FOXP1: variants seen among roughly 807,000 people sequenced by gnomAD.
FOXP1 encodes the protein forkhead box protein P1.
Under a neutral mutation model 98.2 loss-of-function variants are expected in FOXP1, and 15 were observed. The ratio of observed to expected loss-of-function variants is 0.15; its 90% CI spans 0.10 to 0.24. The LOEUF (loss-of-function observed/expected upper bound fraction) is 0.24. Among genes scored for constraint, FOXP1 ranks in the 10% least tolerant of loss-of-function variants. The probability of loss-of-function intolerance (pLI) is 1.00; values close to 1 mark genes in which losing one functional copy is unlikely to be tolerated. For missense variants in FOXP1, 633 were observed against 848.5 expected (o/e 0.75, Z 3.15); for synonymous variants, 371 against 314.5 (o/e 1.18, Z -1.90).
chr3:71,542,689 T>C (rs1032155715), intron 2 of FOXP1, among the ~76,000 whole-genome samples: 1 of 151,682 alleles, frequency 6.6e-6, no homozygotes, highest in Non-Finnish European at 1.5e-5. Context: ...CAGAGGAGAG[T>C]GTGAGCGAGG....
intron 6 of FOXP1, among the ~76,000 whole-genome samples, chr3:71,196,859 G>C (rs1011396933): frequency 6.6e-6 from 1 of 152,136 alleles, no homozygotes; most frequent in Non-Finnish European, 1.5e-5. Context: ...AATGGGTTTG[G>C]GCTGCCAATG....
chr3:71,396,971 TATATATATATGTGTATATATATACAC>T (rs1419637147), intron 3 of FOXP1, among the ~76,000 whole-genome samples: 317 of 18,572 alleles, frequency 0.017, 89 homozygotes, highest in African/African-American at 0.049. Flanking sequence ...TATGTGTGTA[TATATATATATGTGTATATATATACAC>T]ATATATATGT....
intron 11 of FOXP1, among the ~76,000 whole-genome samples, chr3:71,025,015 T>C (rs1259601550): frequency 2.6e-5 from 4 of 152,244 alleles, no homozygotes; most frequent in South Asian, 2.1e-4. Context: ...TCTGGACTTA[T>C]ATTCATCTGC....
At chr3:71,065,744 C>T (rs2052402852) in intron 7 of FOXP1, 1 of 152,172 alleles carries the variant, frequency 6.6e-6, no homozygotes, top group South Asian at 2.1e-4. Flanking sequence ...ACAATAGCAA[C>T]AACAAAAGCT....
intron 13 of FOXP1, among the ~76,000 whole-genome samples, chr3:70,996,284 G>A (rs903354196): frequency 5.9e-5 from 9 of 152,020 alleles, no homozygotes; most frequent in South Asian, 2.1e-4. Flanking sequence ...ACGCCTGCCC[G>A]GCCTCAAGTC....
intron 5 of FOXP1, among the ~76,000 whole-genome samples, chr3:71,278,536 AC>A (rs1203287401): frequency 6.6e-6 from 1 of 152,178 alleles, no homozygotes; most frequent in East Asian, 1.9e-4. Flanking sequence ...TAATCCCAGC[AC>A]TTTGGGATGC....
At chr3:71,512,797 T>C (rs944800193) in intron 2 of FOXP1, among the ~76,000 whole-genome samples, 2 of 152,182 alleles carry the variant, frequency 1.3e-5, no homozygotes, top group Admixed American at 1.3e-4. Context: ...CACACAGTAA[T>C]GAGGGAGGAA....
At chr3:71,013,064 A>T (rs2043896142) in intron 12 of FOXP1, among the ~76,000 whole-genome samples, 1 of 152,194 alleles carries the variant, frequency 6.6e-6, no homozygotes. Context: ...AGGTAACACA[A>T]GTAAGGAATA....
intron 11 of FOXP1, among the ~76,000 whole-genome samples, chr3:71,029,248 G>A (rs2046537354): frequency 6.6e-6 from 1 of 152,188 alleles, no homozygotes; most frequent in Non-Finnish European, 1.5e-5. Context: ...TATATGCCAG[G>A]CTGGCTTGTG....
chr3:70,992,377 T>C (rs2040738601), intron 13 of FOXP1, among the ~76,000 whole-genome samples: 2 of 151,934 alleles, frequency 1.3e-5, no homozygotes, highest in Admixed American at 6.6e-5. Flanking sequence ...TTAGGCAGGG[T>C]ATATCCAATA....
intron 11 of FOXP1, among the ~76,000 whole-genome samples, chr3:71,035,816 G>T (rs2047502829): frequency 6.6e-6 from 1 of 151,842 alleles, no homozygotes; most frequent in Non-Finnish European, 1.5e-5. Flanking sequence ...AAAATAATGG[G>T]AGCTAGAGTT....
At chr3:71,197,994 C>A (rs1459748791) in intron 6 of FOXP1, 1 of 1,614,258 alleles carries the variant, frequency 6.2e-7, no homozygotes, top group South Asian at 1.1e-5. Flanking sequence ...GGACTTCCAA[C>A]TCCCAAGGGC....
intron 6 of FOXP1, among the ~76,000 whole-genome samples, chr3:71,169,298 A>G (rs553985427): frequency 5.3e-5 from 8 of 152,180 alleles, no homozygotes; most frequent in African/African-American, 1.9e-4. Flanking sequence ...CTCCGTTAAC[A>G]TTTGCCCCCG....
chr3:71,324,750 G>C (rs926727686), intron 4 of FOXP1, among the ~76,000 whole-genome samples: 1 of 151,906 alleles, frequency 6.6e-6, no homozygotes, highest in Non-Finnish European at 1.5e-5. Context: ...ATGTACACTA[G>C]AACTTAAAGT....
chr3:71,325,204 C>A lies in FOXP1; in HGVS notation c.-72-25324G>T, dbSNP rs144654992. Among the ~76,000 whole-genome samples the A allele has an allele frequency of 9.6e-3, 1,455 of 152,152 alleles. 26 individuals are homozygous for A. The highest frequency in any genetic ancestry group is 0.033 in the African/African-American group (1,387 of 41,504). On this transcript the variant is annotated intron_variant, in intron 4 of 20. Coordinates refer to ENST00000649528, the MANE Select transcript of FOXP1 (RefSeq NM_001349338.3). ...AGTAGCTGGGATTACAGGCATAAAC[C>A]ACCACACCCGGATAATTTTTGTATT...
At chr3:70,967,753 T>TTAAC (rs1158344933) in intron 19 of FOXP1, among the ~76,000 whole-genome samples, 1 of 139,270 alleles carries the variant, frequency 7.2e-6, no homozygotes, top group Non-Finnish European at 1.5e-5. Flanking sequence ...GACAAGCATC[T>TTAAC]TAACTGCTTT....
intron 7 of FOXP1, among the ~76,000 whole-genome samples, chr3:71,108,148 C>T (rs1393632959): frequency 6.6e-6 from 1 of 152,226 alleles, no homozygotes; most frequent in African/African-American, 2.4e-5. Context: ...CTGTAAGCAA[C>T]ACACAAAGTT....
chr3:71,051,684 A>C (rs1559819501), intron 9 of FOXP1, among the ~76,000 whole-genome samples: 3 of 152,178 alleles, frequency 2.0e-5, no homozygotes, highest in South Asian at 2.1e-4. Flanking sequence ...AAATATGAGG[A>C]GGCAAGTTAA....
chr3:71,492,776 C>G (rs1426750255), intron 3 of FOXP1, among the ~76,000 whole-genome samples: 1 of 152,212 alleles, frequency 6.6e-6, no homozygotes, highest in Non-Finnish European at 1.5e-5. Flanking sequence ...AATGACAAGT[C>G]ACAGTGTTCA....
Sources: gnomAD v4.1 joint callset for allele counts (sites outside exome capture counted in the v4.1 genomes callset) on GRCh38, gnomAD v4.1.1 for gene constraint, MANE v1.5 for transcripts, NCBI Gene and HGNC (gene_info 2026-07-23, HGNC 2026-07-21) for gene names.